The following SIPA1L3 variants were observed in gnomAD, a reference collection of about 807,000 sequenced individuals.
SIPA1L3 encodes signal induced proliferation associated 1 like 3.
SIPA1L3 carries 59 observed loss-of-function variants against 150.1 expected under a neutral mutation model. The ratio of observed to expected loss-of-function variants is 0.39; its 90% CI spans 0.32 to 0.49. SIPA1L3 has a LOEUF of 0.49. SIPA1L3 is among the 20% of genes least tolerant of loss of function. SIPA1L3 has a pLI of 0.86. For synonymous variants in SIPA1L3, 1,070 were observed against 1,077.6 expected (o/e 0.99, Z 0.14); for missense variants, 2,211 against 2,489.5 (o/e 0.89, Z 2.38).
At chr19:37,994,201 C>T (rs973635345) in intron 1 of SIPA1L3, among the ~76,000 whole-genome samples, 1 of 152,096 alleles carries the variant, frequency 6.6e-6, no homozygotes, top group Non-Finnish European at 1.5e-5. Context: ...CATGCCTGGC[C>T]GGGAAAAGAA....
At chr19:37,981,708 C>CTCACCTTTTCTGCAGG (rs1430413739) in intron 1 of SIPA1L3, among the ~76,000 whole-genome samples, 3 of 152,176 alleles carry the variant, frequency 2.0e-5, no homozygotes, top group Non-Finnish European at 4.4e-5. Context: ...GCTGTACCAC[C>CTCACCTTTTCTGCAGG]TCACCTTTTC....
At chr19:38,140,151 G>T (rs548954009) in intron 10 of SIPA1L3, among the ~76,000 whole-genome samples, 91 of 152,360 alleles carry the variant, frequency 6.0e-4, no homozygotes, top group African/African-American at 1.9e-3. Flanking sequence ...GGATCAGCTC[G>T]ATGGGGGTAT....
chr19:38,084,495 G>A lies in SIPA1L3; in HGVS notation c.1534+1396G>A, dbSNP rs575816334. ...CTGTGTGCAAAAGAGGCTGGGAAAC[G>A]CAGGTTTTTAGCTAGACAAAGTTTT... On this transcript the variant is annotated intron_variant, in intron 3 of 21. Coordinates refer to ENST00000222345, the MANE Select transcript of SIPA1L3 (RefSeq NM_015073.3). Among the ~76,000 whole-genome samples, 16 of 143,650 alleles carry A rather than the reference G, an allele frequency of 1.1e-4. No homozygotes were observed. The Middle Eastern group carries it at 0.022, about 198-fold the overall frequency. The allele number at this position is 143,650 out of a possible 152,430, so 94.2% of individuals were successfully genotyped here.
At chr19:37,962,941 G>A (rs556322028) in intron 1 of SIPA1L3, among the ~76,000 whole-genome samples, 4 of 150,350 alleles carry the variant, frequency 2.7e-5, no homozygotes, top group South Asian at 4.3e-4. Flanking sequence ...ATTCTTTGGA[G>A]TTTGTCCCCT....
chr19:37,914,600 C>T (rs981451254), intron 1 of SIPA1L3, among the ~76,000 whole-genome samples: 14 of 152,070 alleles, frequency 9.2e-5, no homozygotes, highest in Middle Eastern at 3.4e-3. Flanking sequence ...TGGTCTCAAA[C>T]GCCTGACCTC....
In SIPA1L3 at chr19:37,928,183, T is replaced by C. The variant is rs997151129; in HGVS notation, c.-379+20825T>C. 4.6e-5 allele frequency among the ~76,000 whole-genome samples: 7 copies of C among 152,112 alleles called. No homozygotes were observed. In the South Asian group the frequency reaches 1.4e-3, roughly 32 times the overall value. ...AGCTAATTTACATTCCCACCAACAGTGTATCAGCATGGTGACGTGATTTGG... is the reference window on the plus strand; with the variant it reads ...AGCTAATTTACATTCCCACCAACAGCGTATCAGCATGGTGACGTGATTTGG... On this transcript the variant is annotated intron_variant, in intron 1 of 21. Coordinates refer to ENST00000222345, the MANE Select transcript of SIPA1L3 (RefSeq NM_015073.3).
chr19:37,931,830 C>G (rs950800319), intron 1 of SIPA1L3, among the ~76,000 whole-genome samples: 7 of 152,044 alleles, frequency 4.6e-5, no homozygotes, highest in Non-Finnish European at 1.0e-4. Flanking sequence ...GGTTAGATCC[C>G]CACCCCAGCA....
chr19:37,908,169 G>A (rs1452409424), intron 1 of SIPA1L3, among the ~76,000 whole-genome samples: 4 of 152,148 alleles, frequency 2.6e-5, no homozygotes, highest in Non-Finnish European at 5.9e-5. Context: ...GAGACCCTCT[G>A]AGGGTGGGGC....
chr19:38,047,998 G>A lies in SIPA1L3; in HGVS notation c.-311+18842G>A, dbSNP rs751246329. Among the ~76,000 whole-genome samples the A allele has an allele frequency of 1.3e-5, 2 of 152,174 alleles. No individual in the cohort carries two copies. Among genetic ancestry groups the A allele is most frequent in the African/African-American group, 2.4e-5 (1 of 41,460 alleles). On this transcript the variant is annotated intron_variant, in intron 2 of 21. Transcript: ENST00000222345. The surrounding 1 kb of genome is among the most constrained non-coding windows in gnomAD (Gnocchi z 4.7). Reference sequence around the variant, plus strand: ...AGTGACCCACTGCAGAGGGTTTCCTGAGCTCTCGTGCACAGAGAATCGTGC... The same window carrying A: ...AGTGACCCACTGCAGAGGGTTTCCTAAGCTCTCGTGCACAGAGAATCGTGC...
rs1017966364 is a variant in SIPA1L3, at chr19:37,955,221, G to A, written c.-379+47863G>A. Among the ~76,000 whole-genome samples, 24 of 151,538 alleles carry A rather than the reference G, an allele frequency of 1.6e-4. 1 individual carries two copies. The highest frequency in any genetic ancestry group is 6.8e-3 in the Middle Eastern group (2 of 292). Reference sequence around the variant, plus strand: ...AGCCTGACCAACATGGAGAAACCCCGTCTCTACTAAAAATACAAAATTAGC... The same window carrying A: ...AGCCTGACCAACATGGAGAAACCCCATCTCTACTAAAAATACAAAATTAGC... On this transcript the variant is annotated intron_variant, in intron 1 of 21. Coordinates refer to ENST00000222345, the MANE Select transcript of SIPA1L3 (RefSeq NM_015073.3).
chr19:38,114,103 AG>A (rs1568557070), intron 8 of SIPA1L3, among the ~76,000 whole-genome samples: 1 of 152,126 alleles, frequency 6.6e-6, no homozygotes. Flanking sequence ...TGTCACTATA[AG>A]CAGCTAAGTG....
At chr19:38,186,591 C>G (rs1972683361) in intron 16 of SIPA1L3, among the ~76,000 whole-genome samples, 1 of 150,544 alleles carries the variant, frequency 6.6e-6, no homozygotes. Context: ...TGACCTCAGG[C>G]AATCCGCCCC....
chr19:38,112,876 C>T (rs1258868785), intron 8 of SIPA1L3, among the ~76,000 whole-genome samples: 1 of 152,128 alleles, frequency 6.6e-6, no homozygotes, highest in Non-Finnish European at 1.5e-5. Flanking sequence ...CCCCCAACTC[C>T]TGTCCCCCAA....
chr19:37,963,242 A>T (rs1399732258), intron 1 of SIPA1L3, among the ~76,000 whole-genome samples: 1 of 152,040 alleles, frequency 6.6e-6, no homozygotes, highest in East Asian at 1.9e-4. Context: ...TCAAGGCCTC[A>T]TGTTGGGCCA....
chr19:37,957,191 T>G (rs746529449), intron 1 of SIPA1L3, among the ~76,000 whole-genome samples: 53 of 152,356 alleles, frequency 3.5e-4, no homozygotes, highest in Non-Finnish European at 4.3e-4. Context: ...AGCTTTAAAG[T>G]TACTTTAGAA....
Position 38,088,790 on chromosome 19 carries a change from T to G in SIPA1L3, c.1604T>G (p.Leu535Arg). 2 of 1,614,098 alleles carry G rather than the reference T, an allele frequency of 1.2e-6. No homozygotes were observed. The highest frequency in any genetic ancestry group is 1.7e-6 in the Non-Finnish European group (2 of 1,179,990). ...PVAVSIKREKLEDHKEHGPQY... is the reference protein window; with the variant it reads ...PVAVSIKREKREDHKEHGPQY... ...GCTGTGAGCATTAAGCGGGAGAAGC[T>G]GGAAGACCACAAGGAGCACGGACCT... The change falls in exon 4 of 22, where the codon CTG becomes CGG. Residue 535 changes from leucine (L) to arginine (R), a missense_variant. Leu to Arg is a moderately radical substitution (Grantham distance 102). Around this residue, in one of 5 missense-constraint regions of SIPA1L3, gnomAD observed 625 missense variants for 804.2 expected, o/e 0.78. Transcript: ENST00000222345.
chr19:38,187,610 G>A (rs1406957621), intron 16 of SIPA1L3, among the ~76,000 whole-genome samples: 1 of 150,728 alleles, frequency 6.6e-6, no homozygotes. Context: ...CCAGCTACTC[G>A]GGAGGCTGAG....
intron 2 of SIPA1L3, among the ~76,000 whole-genome samples, chr19:38,068,642 T>G (rs1433041055): frequency 1.3e-5 from 2 of 152,092 alleles, no homozygotes; most frequent in Non-Finnish European, 2.9e-5. Flanking sequence ...GGAGGATCAC[T>G]TGAGGCCAGG....
At chr19:38,010,685 C>G (rs539419625) in intron 1 of SIPA1L3, among the ~76,000 whole-genome samples, 1 of 151,928 alleles carries the variant, frequency 6.6e-6, no homozygotes, top group African/African-American at 2.4e-5. Context: ...CACTCCAGCC[C>G]GGGCAACAAG....
Sources: allele counts gnomAD v4.1 joint callset (sites outside exome capture counted in the v4.1 genomes callset), GRCh38; gene constraint gnomAD v4.1.1; regional missense constraint gnomAD v4.1.1; non-coding constraint Gnocchi (gnomAD v3.1); transcripts MANE v1.5; gene names NCBI Gene and HGNC (gene_info 2026-07-23, HGNC 2026-07-21).